Variants in CCDC102B observed in about 807,000 individuals in gnomAD.
The protein encoded by CCDC102B is coiled-coil domain-containing protein 102B.
Under a neutral mutation model 57.4 loss-of-function variants are expected in CCDC102B, and 75 were observed. The ratio of observed to expected loss-of-function variants is 1.31; its 90% CI spans 1.08 to 1.58. The LOEUF is 1.58. Among genes scored for constraint, CCDC102B ranks in the 40% most tolerant of loss-of-function variants. The pLI, the probability that CCDC102B is intolerant of heterozygous loss-of-function variation, is 0.00. For synonymous variants in CCDC102B, 206 were observed against 201.9 expected, an observed-to-expected ratio of 1.02 and a Z score of -0.17; for missense variants, 636 against 582.6, an observed-to-expected ratio of 1.09 and a Z score of -0.94.
intron 1 of CCDC102B, among the ~76,000 whole-genome samples, chr18:68,835,641 A>G (rs911358957): frequency 6.6e-6 from 1 of 152,230 alleles, no homozygotes; most frequent in Non-Finnish European, 1.5e-5. Context: ...TTAAATAAAT[A>G]TAGGTTATCC....
chr18:68,837,917 T>C (rs753362636), intron 2 of CCDC102B, among the ~76,000 whole-genome samples: 2 of 152,194 alleles, frequency 1.3e-5, no homozygotes, highest in Non-Finnish European at 2.9e-5. Context: ...TGCTCATTCT[T>C]GAGAGAATTA....
At chr18:68,927,574 T>C (rs1435620063) in intron 6 of CCDC102B, among the ~76,000 whole-genome samples, 2 of 151,978 alleles carry the variant, frequency 1.3e-5, no homozygotes, top group East Asian at 3.9e-4. Flanking sequence ...AGAAATGACA[T>C]TGATTGATTT....
chr18:69,045,557 C>T (rs942837805), intron 7 of CCDC102B, among the ~76,000 whole-genome samples: 6 of 152,108 alleles, frequency 3.9e-5, no homozygotes, highest in Non-Finnish European at 8.8e-5. Flanking sequence ...TGTATTCAAA[C>T]TCCAATGTCT....
chr18:68,990,008 T>C (rs970499691), intron 6 of CCDC102B, among the ~76,000 whole-genome samples: 3 of 152,232 alleles, frequency 2.0e-5, no homozygotes, highest in Admixed American at 6.5e-5. Context: ...AGCTCCTCTG[T>C]ATAGGACCCA....
chr18:69,026,168 G>T, intron 7 of CCDC102B, among the ~76,000 whole-genome samples: 1 of 152,076 alleles, frequency 6.6e-6, no homozygotes, highest in Admixed American at 6.6e-5. Context: ...AGTGTATCAA[G>T]AAGGCAGTCC....
chr18:68,922,222 C>T (rs535707215), intron 6 of CCDC102B, among the ~76,000 whole-genome samples: 1 of 152,268 alleles, frequency 6.6e-6, no homozygotes, highest in East Asian at 1.9e-4. Flanking sequence ...ATTAAGACAG[C>T]AGAAATTGTT....
chr18:68,818,975 A>AG (rs1361093514), intron 1 of CCDC102B, among the ~76,000 whole-genome samples: 1 of 152,044 alleles, frequency 6.6e-6, no homozygotes, highest in Non-Finnish European at 1.5e-5. Context: ...CATGTGGTTA[A>AG]CTTTTTCTTG....
intron 6 of CCDC102B, among the ~76,000 whole-genome samples, chr18:68,901,390 C>G (rs1399360732): frequency 6.6e-6 from 1 of 152,034 alleles, no homozygotes; most frequent in Non-Finnish European, 1.5e-5. Context: ...GGCACACAAA[C>G]AGGTCTAGAG....
intron 1 of CCDC102B, among the ~76,000 whole-genome samples, chr18:68,824,117 A>G (rs563342497): frequency 2.5e-4 from 38 of 152,160 alleles, no homozygotes; most frequent in African/African-American, 8.9e-4. Flanking sequence ...CTCAGCCGAA[A>G]ATTATTTGCC....
At chr18:68,785,803 C>G (rs926798407) in intron 2 of CCDC102B, among the ~76,000 whole-genome samples, 2 of 151,480 alleles carry the variant, frequency 1.3e-5, no homozygotes, top group Non-Finnish European at 3.0e-5. Context: ...ATGGTAGTTT[C>G]TTTTGCTGTG....
chr18:68,852,405 A>G (rs1413838617), intron 4 of CCDC102B, among the ~76,000 whole-genome samples: 1 of 152,190 alleles, frequency 6.6e-6, no homozygotes, highest in Non-Finnish European at 1.5e-5. Flanking sequence ...ACAGATGTTC[A>G]AGTCCCTTAC....
At chr18:68,936,521 G>A (rs891322976) in intron 6 of CCDC102B, among the ~76,000 whole-genome samples, 2 of 151,926 alleles carry the variant, frequency 1.3e-5, no homozygotes, top group African/African-American at 4.8e-5. Flanking sequence ...ATATGCAACA[G>A]TTTTATTTTT....
At chr18:68,910,139 A>G (rs1429993972) in intron 6 of CCDC102B, among the ~76,000 whole-genome samples, 1 of 152,122 alleles carries the variant, frequency 6.6e-6, no homozygotes, top group East Asian at 1.9e-4. Context: ...CTAAAAATAT[A>G]AAAATTCACT....
intron 4 of CCDC102B, among the ~76,000 whole-genome samples, chr18:68,862,583 C>A (rs2038809503): frequency 6.6e-6 from 1 of 152,036 alleles, no homozygotes; most frequent in Admixed American, 6.6e-5. Context: ...AAAAAGTTAG[C>A]CTCCTATTAC....
intron 2 of CCDC102B, among the ~76,000 whole-genome samples, chr18:68,720,175 T>C (rs1438373425): frequency 6.6e-6 from 1 of 152,218 alleles, no homozygotes; most frequent in South Asian, 2.1e-4. Context: ...CTATGACATG[T>C]TGTGCTGTAA....
At chr18:68,749,595 A>T (rs561438634) in intron 2 of CCDC102B, among the ~76,000 whole-genome samples, 344 of 152,248 alleles carry the variant, frequency 2.3e-3, no homozygotes, top group African/African-American at 8.1e-3. Context: ...ATTGGTGTAT[A>T]AGAATGCTTG....
intron 1 of CCDC102B, among the ~76,000 whole-genome samples, chr18:68,812,168 A>T (rs1162402053): frequency 6.6e-6 from 1 of 152,224 alleles, no homozygotes; most frequent in African/African-American, 2.4e-5. Flanking sequence ...AGAAAACAAA[A>T]GCAGATTTTC....
At chr18:69,057,746 G>A (rs940495525), downstream of CCDC102B, among the ~76,000 whole-genome samples, 2 of 152,000 alleles carry the variant, frequency 1.3e-5, no homozygotes, top group African/African-American at 4.8e-5. Context: ...GCACAGTGCA[G>A]CAAGTCCTGG....
At chr18:68,872,411 A>T (rs1044229327) in intron 4 of CCDC102B, among the ~76,000 whole-genome samples, 1 of 151,840 alleles carries the variant, frequency 6.6e-6, no homozygotes, top group Non-Finnish European at 1.5e-5. Context: ...TCCCAGATAA[A>T]TTTTTTTCTT....
Sources: allele counts gnomAD v4.1 joint callset (sites outside exome capture counted in the v4.1 genomes callset), GRCh38; gene constraint gnomAD v4.1.1; transcripts MANE v1.5; gene names NCBI Gene and HGNC (gene_info 2026-07-23, HGNC 2026-07-21).